FGF1: variants seen among roughly 807,000 people sequenced by gnomAD.
The protein encoded by FGF1 is fibroblast growth factor 1.
Under a neutral mutation model 13.4 loss-of-function variants are expected in FGF1, and 9 were observed. The ratio of observed to expected loss-of-function variants is 0.67; its 90% confidence interval spans 0.40 to 1.17. The LOEUF (loss-of-function observed/expected upper bound fraction) is 1.17. Among genes scored for constraint, FGF1 ranks in the 50% most tolerant of loss-of-function variants. The pLI is 0.01. For missense variants in FGF1, 156 were observed against 192.7 expected, an observed-to-expected ratio of 0.81 and a Z score of 1.13; for synonymous variants, 93 against 79.0, an observed-to-expected ratio of 1.18 and a Z score of -0.94.
intron 1 of FGF1, among the ~76,000 whole-genome samples, chr5:142,636,886 C>T (rs1422891566): frequency 6.6e-6 from 1 of 152,004 alleles, no homozygotes; most frequent in African/African-American, 2.4e-5. Flanking sequence ...CTGTAGGCAC[C>T]TGTCTGAAGA....
At chr5:142,623,496 C>A (rs1195996562) in intron 1 of FGF1, among the ~76,000 whole-genome samples, 1 of 152,074 alleles carries the variant, frequency 6.6e-6, no homozygotes, top group Admixed American at 6.6e-5. Context: ...TAGGCACATA[C>A]CACCACGTCC....
intron 1 of FGF1, among the ~76,000 whole-genome samples, chr5:142,618,819 A>G (rs1192933348): frequency 5.9e-5 from 9 of 151,888 alleles, no homozygotes. Context: ...CATTATATCT[A>G]GGAGACATTT....
At chr5:142,653,877 A>G (rs938518607) in intron 1 of FGF1, among the ~76,000 whole-genome samples, 11 of 152,268 alleles carry the variant, frequency 7.2e-5, no homozygotes, top group African/African-American at 2.6e-4. Flanking sequence ...GTGGATCACA[A>G]GTTCAAAAGA....
chr5:142,623,994 A>T (rs1297431008), intron 1 of FGF1, among the ~76,000 whole-genome samples: 1 of 152,086 alleles, frequency 6.6e-6, no homozygotes. Context: ...ATCTTGGCTC[A>T]CTGCAACCTC....
At chr5:142,679,167 TCTGACCCCGC>T (rs1412632390) in intron 1 of FGF1, among the ~76,000 whole-genome samples, 2 of 152,170 alleles carry the variant, frequency 1.3e-5, no homozygotes, top group Non-Finnish European at 2.9e-5. Flanking sequence ...GGCCGCACAG[TCTGACCCCGC>T]CTGCTTCTTG....
intron 1 of FGF1, among the ~76,000 whole-genome samples, chr5:142,655,219 G>T (rs1032867809): frequency 2.6e-4 from 40 of 152,126 alleles, no homozygotes; most frequent in African/African-American, 9.2e-4. Context: ...CATGATGGAG[G>T]CTTCGGTAAC....
upstream of FGF1, among the ~76,000 whole-genome samples, chr5:142,687,978 T>C (rs1306957936): frequency 6.6e-6 from 1 of 152,212 alleles, no homozygotes; most frequent in Admixed American, 6.5e-5. Flanking sequence ...ATCATGACAA[T>C]CAAATGTGTC....
At chr5:142,619,704 A>G (rs250114) in intron 1 of FGF1, among the ~76,000 whole-genome samples, 23,997 of 151,932 alleles carry the variant, frequency 0.16, 2,156 homozygotes, top group East Asian at 0.38. Flanking sequence ...ATGGTGGCGC[A>G]TGCCTGTAAT....
intron 1 of FGF1, chr5:142,626,815 G>A (rs1762536732): frequency 6.6e-6 from 1 of 152,288 alleles, no homozygotes; most frequent in African/African-American, 2.4e-5. Context: ...GTGGGGGAGA[G>A]GCCAGAGACT....
intron 1 of FGF1, among the ~76,000 whole-genome samples, chr5:142,614,983 C>T (rs17217219): frequency 6.6e-6 from 1 of 151,828 alleles, no homozygotes; most frequent in African/African-American, 2.4e-5. Context: ...ACACAGAAAC[C>T]ACCATATTAT....
intron 2 of FGF1, among the ~76,000 whole-genome samples, chr5:142,607,001 T>G (rs996801699): frequency 2.6e-5 from 4 of 152,222 alleles, no homozygotes; most frequent in South Asian, 4.1e-4. Flanking sequence ...CTCCCCTGAT[T>G]CTCCTTCATA....
At chr5:142,615,826 G>A (rs574390141) in intron 1 of FGF1, among the ~76,000 whole-genome samples, 9 of 152,320 alleles carry the variant, frequency 5.9e-5, no homozygotes, top group African/African-American at 2.2e-4. Flanking sequence ...CCATGAAAAG[G>A]TTTAGTGACT....
intron 2 of FGF1, among the ~76,000 whole-genome samples, chr5:142,608,882 G>C (rs935885598): frequency 1.3e-5 from 2 of 151,686 alleles, no homozygotes; most frequent in Non-Finnish European, 2.9e-5. Flanking sequence ...GGAGGGCAAG[G>C]AGTCCTTCCC....
chr5:142,625,587 C>T (rs946583659), intron 1 of FGF1, among the ~76,000 whole-genome samples: 7 of 152,316 alleles, frequency 4.6e-5, no homozygotes, highest in South Asian at 2.1e-4. Context: ...TGGTACACCA[C>T]GGTCCAAACC....
At chr5:142,664,591 G>A (rs890788579) in intron 1 of FGF1, among the ~76,000 whole-genome samples, 1 of 152,118 alleles carries the variant, frequency 6.6e-6, no homozygotes, top group Non-Finnish European at 1.5e-5. Flanking sequence ...ATGAAGTGAC[G>A]GTCTAACTTC....
chr5:142,638,513 A>C (rs1764653244), intron 1 of FGF1, among the ~76,000 whole-genome samples: 1 of 152,060 alleles, frequency 6.6e-6, no homozygotes, highest in Non-Finnish European at 1.5e-5. Flanking sequence ...GTGTTGACTC[A>C]CACAAAGTAC....
chr5:142,648,711 A>G lies in FGF1; in HGVS notation c.-34-34550T>C, dbSNP rs1036106964. On this transcript the variant is annotated intron_variant, in intron 1 of 3. Coordinates refer to ENST00000337706, the MANE Select transcript of FGF1 (RefSeq NM_000800.5). Reference sequence around the variant, plus strand: ...AACCAAAAAAAAAAAAAAAAAAAAAAAAGAACAAGTGTCTTGAGGAGGAAT... The same window carrying G: ...AACCAAAAAAAAAAAAAAAAAAAAAGAAGAACAAGTGTCTTGAGGAGGAAT... 2.4e-4 allele frequency among the ~76,000 whole-genome samples: 37 copies of G among 151,234 alleles called. No homozygotes were observed. In the South Asian group the frequency reaches 7.6e-3, roughly 31 times the overall value.
intron 1 of FGF1, among the ~76,000 whole-genome samples, chr5:142,642,899 A>G (rs1028842333): frequency 3.9e-5 from 6 of 152,210 alleles, no homozygotes; most frequent in Admixed American, 6.5e-5. Context: ...CACAACATCA[A>G]TGAATGCCAT....
At chr5:142,694,904 T>A (rs1391561568) in intron 2 of FGF1, among the ~76,000 whole-genome samples, 1 of 152,068 alleles carries the variant, frequency 6.6e-6, no homozygotes, top group Admixed American at 6.6e-5. Context: ...CCAGTAGAGG[T>A]ACTGGGCACC....
Sources: gnomAD v4.1 joint callset for allele counts (sites outside exome capture counted in the v4.1 genomes callset) on GRCh38, gnomAD v4.1.1 for gene constraint, MANE v1.5 for transcripts, NCBI Gene and HGNC (gene_info 2026-07-23, HGNC 2026-07-21) for gene names.